Variants in KPNA1 observed in about 807,000 individuals in gnomAD.
KPNA1 encodes karyopherin subunit alpha 1, also known as importin subunit alpha-5.
In KPNA1, 10 loss-of-function variants were observed where a neutral mutation model predicts 70.5. The observed-to-expected ratio is 0.14, with a 90% CI of 0.09 to 0.24. KPNA1 has a LOEUF of 0.24. Ranked by LOEUF, KPNA1 falls within the 10% of genes least tolerant of loss-of-function variation. The probability of loss-of-function intolerance (pLI) is 1.00; values close to 1 mark genes in which losing one functional copy is unlikely to be tolerated. For missense variants in KPNA1, 397 were observed against 637.9 expected (o/e 0.62, Z 4.07); for synonymous variants, 192 against 221.9 (o/e 0.87, Z 1.20).
intron 1 of KPNA1, among the ~76,000 whole-genome samples, chr3:122,510,597 TAG>T (rs891915082): frequency 1.3e-5 from 2 of 152,162 alleles, no homozygotes; most frequent in African/African-American, 4.8e-5. Context: ...TGGAGGATGG[TAG>T]AGACAGTGTG....
At chr3:122,450,967 G>A (rs549659888) in intron 8 of KPNA1, among the ~76,000 whole-genome samples, 31 of 152,296 alleles carry the variant, frequency 2.0e-4, no homozygotes, top group African/African-American at 6.7e-4. Context: ...GCGTAAGAAT[G>A]ATACAATGTA....
At chr3:122,440,738 G>A (rs1424393546) in intron 10 of KPNA1, among the ~76,000 whole-genome samples, 2 of 152,146 alleles carry the variant, frequency 1.3e-5, no homozygotes, top group African/African-American at 4.8e-5. Flanking sequence ...CCCTGCAAAG[G>A]ATGAATAGAG....
At chr3:122,442,487 A>C (rs1234455399) in intron 9 of KPNA1, among the ~76,000 whole-genome samples, 1 of 152,154 alleles carries the variant, frequency 6.6e-6, no homozygotes, top group Non-Finnish European at 1.5e-5. Flanking sequence ...CAACATTTTT[A>C]AGTTTTATAA....
chr3:122,507,885 ACT>A (rs1305527490), intron 1 of KPNA1, among the ~76,000 whole-genome samples: 1 of 152,186 alleles, frequency 6.6e-6, no homozygotes, highest in African/African-American at 2.4e-5. Flanking sequence ...TTTAATAACC[ACT>A]GTAATATATC....
At position 122,427,657 on chromosome 3, in the gene KPNA1, G is replaced by C. The variant is rs1445122514; in HGVS notation, c.1310C>G (p.Ser437Cys). 6.2e-7 allele frequency: 1 copy of C among 1,614,034 alleles called. No individual in the cohort carries two copies. Among genetic ancestry groups the C allele is most frequent in the East Asian group, 2.2e-5 (1 of 44,874 alleles). Residue 437 changes from serine (S) to cysteine (C), a missense_variant, in exon 13 of 14, where the codon TCT becomes TGT. Ser to Cys is a moderately radical substitution (Grantham distance 112, BLOSUM62 -1). Coordinates refer to ENST00000344337, the MANE Select transcript of KPNA1 (RefSeq NM_002264.4). Reference protein sequence around the residue: ...PLCDLLTVMDSKIVQVALNGL... With the variant: ...PLCDLLTVMDCKIVQVALNGL... ...ATTTAGGGCAACCTGTACAATCTTAGAGTCCATGACCGTGAGGAGATCACA... is the reference window on the plus strand; with the variant it reads ...ATTTAGGGCAACCTGTACAATCTTACAGTCCATGACCGTGAGGAGATCACA...
intron 12 of KPNA1, among the ~76,000 whole-genome samples, chr3:122,429,072 A>G (rs1322123730): frequency 3.3e-5 from 5 of 152,234 alleles, no homozygotes; most frequent in Non-Finnish European, 7.3e-5. Context: ...CATTTTAAAA[A>G]AATGAATCAA....
intron 2 of KPNA1, among the ~76,000 whole-genome samples, chr3:122,477,139 T>C (rs952083433): frequency 2.0e-5 from 3 of 152,092 alleles, no homozygotes; most frequent in Admixed American, 2.0e-4. Context: ...TGGATGAACC[T>C]GGAGGATATT....
chr3:122,449,510 T>C lies in KPNA1; in HGVS notation c.917+64A>G, dbSNP rs2076175910. 3 of 1,274,564 alleles carry C rather than the reference T, an allele frequency of 2.4e-6. No individual in the cohort carries two copies. In the African/African-American group the frequency reaches 4.5e-5, roughly 19 times the overall value. The allele number at this position is 1,274,564 out of a possible 1,614,324, so 79.0% of individuals were successfully genotyped here. A position where few individuals can be genotyped will look rare whatever the true frequency, so the allele number is the denominator to read the frequency against. ...TGTACAATCCATTAATATTTAAGTA[T>C]TAGCAGCTAGAAAACTAGTACCAAG... is the stretch of plus-strand genomic sequence containing the variant. On this transcript the variant is annotated intron_variant, in intron 9 of 13. Coordinates refer to ENST00000344337, the MANE Select transcript of KPNA1 (RefSeq NM_002264.4).
intron 2 of KPNA1, among the ~76,000 whole-genome samples, chr3:122,467,635 T>A (rs1393285082): frequency 6.8e-6 from 1 of 147,746 alleles, no homozygotes; most frequent in Non-Finnish European, 1.5e-5. Flanking sequence ...CAACATGCTA[T>A]AAACAACACT....
intron 5 of KPNA1, chr3:122,457,933 T>A: frequency 8.6e-7 from 1 of 1,158,580 alleles, no homozygotes; most frequent in Non-Finnish European, 1.1e-6. Context: ...CTGAGTCATC[T>A]GAGCAACTTT....
At chr3:122,461,687 G>T (rs901628667) in intron 4 of KPNA1, among the ~76,000 whole-genome samples, 16 of 152,246 alleles carry the variant, frequency 1.1e-4, no homozygotes, top group Admixed American at 9.2e-4. Context: ...AAGTCTAACT[G>T]CTCTTGTCTG....
intron 11 of KPNA1, among the ~76,000 whole-genome samples, chr3:122,434,576 G>T (rs1172795033): frequency 6.6e-6 from 1 of 152,098 alleles, no homozygotes; most frequent in Non-Finnish European, 1.5e-5. Context: ...GTTCACAAAG[G>T]CTATTAATTT....
intron 9 of KPNA1, among the ~76,000 whole-genome samples, chr3:122,447,274 T>A (rs1285629901): frequency 1.3e-5 from 2 of 152,164 alleles, no homozygotes; most frequent in Non-Finnish European, 2.9e-5. Flanking sequence ...AAATCCTCAA[T>A]AAAATACTGG....
intron 9 of KPNA1, chr3:122,442,982 G>C (rs1395249540): frequency 6.6e-6 from 1 of 152,328 alleles, no homozygotes; most frequent in Non-Finnish European, 1.5e-5. Context: ...CGGAGGGCAA[G>C]GTGAAGCATG....
intron 1 of KPNA1, 199 bp downstream of exon 1, chr3:122,514,558 C>A (rs2076995784): frequency 1.3e-5 from 2 of 152,394 alleles, no homozygotes; most frequent in Admixed American, 1.3e-4. Context: ...CCCACCCTCT[C>A]CTCCGCCGGC....
At chr3:122,487,962 T>C (rs947305308) in intron 2 of KPNA1, among the ~76,000 whole-genome samples, 3 of 152,196 alleles carry the variant, frequency 2.0e-5, no homozygotes, top group Admixed American at 6.5e-5. Context: ...ATACAATGTA[T>C]GACTTAGTTT....
chr3:122,477,099 A>G (rs2076510373), intron 2 of KPNA1, among the ~76,000 whole-genome samples: 1 of 152,188 alleles, frequency 6.6e-6, no homozygotes, highest in South Asian at 2.1e-4. Flanking sequence ...GTTCTTAAAA[A>G]TGAAAGAAAT....
In KPNA1 at chr3:122,437,274, G is replaced by A. The variant is rs2076001649; in HGVS notation, c.1018C>T (p.Leu340=). The change falls in exon 11 of 14, where the codon CTG becomes TTG. Residue 340 remains leucine (L), a synonymous_variant. Transcript: ENST00000344337. ...QTQVILNCSA[L]QSLLHLLSSP... ...CTCAGCAAATGCAATAAACTCTGCA[G>A]AGCTGAGCAATTCAGAATTACCTAA... 1 of 1,610,332 alleles carries A rather than the reference G, an allele frequency of 6.2e-7. No homozygotes were observed. The highest frequency in any genetic ancestry group is 8.5e-7 in the Non-Finnish European group (1 of 1,178,636).
intron 5 of KPNA1, among the ~76,000 whole-genome samples, chr3:122,458,223 T>A (rs1037033322): frequency 2.0e-5 from 3 of 152,182 alleles, no homozygotes; most frequent in African/African-American, 4.8e-5. Flanking sequence ...ATACTGGGCC[T>A]GGACTCAAAG....
Sources: allele counts gnomAD v4.1 joint callset (sites outside exome capture counted in the v4.1 genomes callset), GRCh38; gene constraint gnomAD v4.1.1; transcripts MANE v1.5; gene names NCBI Gene and HGNC (gene_info 2026-07-23, HGNC 2026-07-21).